The following LINGO2 variants were observed in gnomAD, a reference collection of about 807,000 sequenced individuals.
The protein encoded by LINGO2 is leucine rich repeat and Ig domain containing 2.
A neutral mutation model predicts 30.6 loss-of-function variants in LINGO2; 14 were observed. The observed-to-expected ratio is 0.46, with a 90% CI of 0.30 to 0.72. The LOEUF is 0.72. LINGO2 is among the 30% of genes least tolerant of loss of function. The pLI, the probability that LINGO2 is intolerant of heterozygous loss-of-function variation, is 0.07. For missense variants in LINGO2, 729 were observed against 751.7 expected, an observed-to-expected ratio of 0.97 and a Z score of 0.35; for synonymous variants, 317 against 288.5, an observed-to-expected ratio of 1.10 and a Z score of -1.00.
intron 4 of LINGO2, among the ~76,000 whole-genome samples, chr9:28,024,428 T>C (rs1314659871): frequency 1.3e-5 from 2 of 152,070 alleles, no homozygotes; most frequent in East Asian, 3.9e-4. Context: ...TATGAAACAA[T>C]CCAGTGGCTC....
intron 4 of LINGO2, among the ~76,000 whole-genome samples, chr9:28,093,185 G>C (rs781436777): frequency 1.3e-5 from 2 of 152,066 alleles, no homozygotes; most frequent in Admixed American, 1.3e-4. Context: ...CTAAGGCTCT[G>C]CTGCCTAAGA....
chr9:28,786,654 C>T, the LINGO2 span, among the ~76,000 whole-genome samples: 1 of 152,116 alleles, frequency 6.6e-6, no homozygotes, highest in African/African-American at 2.4e-5. Flanking sequence ...TCTTCTATGC[C>T]TACAAAACCC....
intron 4 of LINGO2, among the ~76,000 whole-genome samples, chr9:28,078,063 A>T (rs1311599211): frequency 1.3e-5 from 2 of 149,462 alleles, no homozygotes; most frequent in African/African-American, 2.6e-5. Flanking sequence ...TAAACAAATA[A>T]ATAATGGCTC....
intron 2 of LINGO2, among the ~76,000 whole-genome samples, chr9:28,437,176 T>C (rs1419875809): frequency 1.3e-5 from 2 of 152,212 alleles, no homozygotes; most frequent in Admixed American, 6.5e-5. Context: ...GTCACGATCC[T>C]GGGCTGGGGC....
At chr9:28,909,900 C>A in the LINGO2 span, among the ~76,000 whole-genome samples, 1 of 151,918 alleles carries the variant, frequency 6.6e-6, no homozygotes, top group Non-Finnish European at 1.5e-5. Context: ...ACAAATTATT[C>A]CCTGAAAGCA....
intron 1 of LINGO2, among the ~76,000 whole-genome samples, chr9:28,587,329 T>TA (rs199841732): frequency 2.0e-5 from 3 of 152,010 alleles, no homozygotes; most frequent in South Asian, 4.1e-4. Context: ...CAGAAAGGCA[T>TA]AAAAAACTTC....
intron 2 of LINGO2, among the ~76,000 whole-genome samples, chr9:28,416,445 G>A (rs997040171): frequency 1.3e-5 from 2 of 152,114 alleles, no homozygotes; most frequent in Non-Finnish European, 2.9e-5. Flanking sequence ...TTACTAAAGT[G>A]TGTCATCACC....
chr9:29,085,281 TAAAAAAAAAAAAAAAAAAA>T, the LINGO2 span, among the ~76,000 whole-genome samples: 19 of 77,030 alleles, frequency 2.5e-4, no homozygotes, highest in African/African-American at 6.2e-4. Flanking sequence ...CTATGGTAAG[TAAAAAAAAAAAAAAAAAAA>T]AAAAAAAAAA....
chr9:28,373,527 T>A (rs1351001756), intron 2 of LINGO2, among the ~76,000 whole-genome samples: 4 of 152,134 alleles, frequency 2.6e-5, no homozygotes, highest in African/African-American at 9.7e-5. Context: ...CAAACGATGT[T>A]TTTTTTAGTC....
chr9:27,955,083 C>T (rs557375461), intron 5 of LINGO2, among the ~76,000 whole-genome samples: 1 of 152,218 alleles, frequency 6.6e-6, no homozygotes, highest in South Asian at 2.1e-4. Context: ...ATGTCCTTGA[C>T]ATTATTTTGA....
chr9:28,241,267 CAA>C (rs1164724626), intron 4 of LINGO2, among the ~76,000 whole-genome samples: 34 of 83,588 alleles, frequency 4.1e-4, no homozygotes, highest in Middle Eastern at 7.1e-3. Context: ...GACCCTGTCT[CAA>C]AAAAAAAAAA....
chr9:29,077,677 T>C, the LINGO2 span, among the ~76,000 whole-genome samples: 1 of 152,044 alleles, frequency 6.6e-6, no homozygotes, highest in African/African-American at 2.4e-5. Context: ...TATAAATTTG[T>C]TGTAAAGACC....
chr9:28,197,493 T>A (rs1428369570), intron 4 of LINGO2, among the ~76,000 whole-genome samples: 1 of 151,962 alleles, frequency 6.6e-6, no homozygotes, highest in Non-Finnish European at 1.5e-5. Context: ...CTTAATAAAA[T>A]GTTAATAGTC....
At chr9:28,507,259 GTAGA>G (rs982822891) in intron 1 of LINGO2, among the ~76,000 whole-genome samples, 1 of 150,328 alleles carries the variant, frequency 6.7e-6, no homozygotes, top group African/African-American at 2.5e-5. Context: ...ACATGTGTGT[GTAGA>G]TAATTACTCT....
intron 4 of LINGO2, among the ~76,000 whole-genome samples, chr9:28,282,268 A>C: frequency 6.6e-6 from 1 of 152,166 alleles, no homozygotes; most frequent in East Asian, 1.9e-4. Flanking sequence ...TGTCCCAATG[A>C]TAAGTGTGAG....
the LINGO2 span, among the ~76,000 whole-genome samples, chr9:28,746,792 G>A: frequency 6.6e-6 from 1 of 152,046 alleles, no homozygotes; most frequent in Admixed American, 6.5e-5. Flanking sequence ...GGGCTCTGGA[G>A]TCCATCAGCC....
the LINGO2 span, among the ~76,000 whole-genome samples, chr9:28,714,239 C>G: frequency 1.4e-5 from 2 of 146,792 alleles, no homozygotes; most frequent in Non-Finnish European, 3.0e-5. Flanking sequence ...ATATATCTCT[C>G]TCCACTACAG....
At chr9:28,875,757 T>C in the LINGO2 span, among the ~76,000 whole-genome samples, 3 of 152,156 alleles carry the variant, frequency 2.0e-5, no homozygotes, top group African/African-American at 7.2e-5. Context: ...TTTGGCAAAA[T>C]AATTCCAGAA....
At chr9:28,597,600 T>A (rs1825248757) in intron 1 of LINGO2, among the ~76,000 whole-genome samples, 1 of 152,306 alleles carries the variant, frequency 6.6e-6, no homozygotes, top group South Asian at 2.1e-4. Flanking sequence ...CAGCTATTTA[T>A]CAGAAGCTGT....
Sources: gnomAD v4.1 joint callset for allele counts (sites outside exome capture counted in the v4.1 genomes callset) on GRCh38, gnomAD v4.1.1 for gene constraint, MANE v1.5 for transcripts, NCBI Gene and HGNC (gene_info 2026-07-23, HGNC 2026-07-21) for gene names.